The following CACHD1 variants were observed in gnomAD, a reference collection of about 807,000 sequenced individuals.
CACHD1 encodes cache domain containing 1.
In CACHD1, 71 loss-of-function variants were observed where a neutral mutation model predicts 138.7. That is an observed-to-expected ratio of 0.51 (90% CI 0.42 to 0.62). CACHD1 has a LOEUF of 0.62. Ranked by LOEUF, CACHD1 falls within the 20% of genes least tolerant of loss-of-function variation. The pLI, the probability that CACHD1 is intolerant of heterozygous loss-of-function variation, is 0.00. For missense variants in CACHD1, 1,389 were observed against 1,625.3 expected, an observed-to-expected ratio of 0.85 and a Z score of 2.50; for synonymous variants, 578 against 591.5, an observed-to-expected ratio of 0.98 and a Z score of 0.33.
intron 1 of CACHD1, among the ~76,000 whole-genome samples, chr1:64,521,065 C>T (rs542375748): frequency 6.6e-6 from 1 of 152,348 alleles, no homozygotes; most frequent in South Asian, 2.1e-4. Flanking sequence ...GGGCTAGGTT[C>T]TCTGCTCAGG....
rs567310511 is a variant in CACHD1, at chr1:64,684,794, CTTTTTTGTTTTTTG to C, written c.3586+2707_3586+2720del. On this transcript the variant is annotated intron_variant, in intron 26 of 26. Transcript: ENST00000651257. ...TGGTAAGTGCTCTATATAGGTGTACCTTTTTTGTTTTTTGTTTTTTGTTTTTTGTTTTGAGACAG... is the reference window on the plus strand; with the variant it reads ...TGGTAAGTGCTCTATATAGGTGTACCTTTTTTGTTTTTTGTTTTGAGACAG... 1.1e-4 allele frequency among the ~76,000 whole-genome samples: 16 copies of C among 152,074 alleles called. 1 individual carries two copies. The highest frequency in any genetic ancestry group is 3.4e-3 in the Middle Eastern group (1 of 294).
chr1:64,690,082 T>C (rs10889495), intron 26 of CACHD1, among the ~76,000 whole-genome samples: 23,250 of 152,204 alleles, frequency 0.15, 2,618 homozygotes, highest in East Asian at 0.61. Context: ...TGCTGATATT[T>C]GTTTCATTTC....
Position 64,647,953 on chromosome 1 carries a change from G to A in CACHD1, c.1309G>A (p.Gly437Ser), listed in dbSNP as rs1042789276. The A allele has an allele frequency of 3.1e-6, 5 of 1,613,880 alleles. No homozygotes were observed. The African/African-American group carries it at 5.3e-5, about 17-fold the overall frequency. ...NQLSNLETTV[G>S]RFYTNLPNRM... Reference sequence around the variant, plus strand: ...GTTGAGCAACCTGGAGACCACAGTGGGCAGGTTCTACACAAACCTTCCCAA... The same window carrying A: ...GTTGAGCAACCTGGAGACCACAGTGAGCAGGTTCTACACAAACCTTCCCAA... The change falls in exon 9 of 27, where the codon GGC becomes AGC. Residue 437 changes from glycine (G) to serine (S), a missense_variant. Physicochemically the swap from Gly to Ser is moderately conservative, Grantham distance 56. Around this residue, in one of 5 missense-constraint regions of CACHD1, gnomAD observed 1,000 missense variants for 1,114.7 expected, o/e 0.90. Transcript: ENST00000651257.
At chr1:64,602,641 C>G (rs1276050436) in intron 3 of CACHD1, among the ~76,000 whole-genome samples, 165 bp from the exon 4 acceptor site, 1 of 152,096 alleles carries the variant, frequency 6.6e-6, no homozygotes, top group Non-Finnish European at 1.5e-5. Flanking sequence ...GGTGTTCCCC[C>G]CACCACACAC....
At chr1:64,488,731 T>C (rs1484300980) in intron 1 of CACHD1, among the ~76,000 whole-genome samples, 6 of 152,258 alleles carry the variant, frequency 3.9e-5, no homozygotes, top group Non-Finnish European at 5.9e-5. Context: ...AATGTCTTTT[T>C]CCTCAAAGCA....
At chr1:64,524,773 A>G (rs1450592252) in intron 1 of CACHD1, among the ~76,000 whole-genome samples, 1 of 152,234 alleles carries the variant, frequency 6.6e-6, no homozygotes, top group Non-Finnish European at 1.5e-5. Flanking sequence ...CTCTGGAAGC[A>G]AAGACACATG....
rs1465414134 is a variant in CACHD1, at chr1:64,664,627, A to G, written c.2224A>G (p.Ile742Val). The change falls in exon 15 of 27, where the codon ATT becomes GTT. Residue 742 changes from isoleucine to valine, a missense_variant. This residue lies in a region of CACHD1 where 1,000 missense variants were observed against 1,114.7 expected (regional missense o/e 0.90). Coordinates refer to ENST00000651257, the MANE Select transcript of CACHD1 (RefSeq NM_020925.4). ...AGCAACACCCAATGGCGTCCTCAGA[A>G]TTTATCCTGGTTCCCTCATGGACAA... ...YIATPNGVLRIYPGSLMDKAF... is the reference protein window; with the variant it reads ...YIATPNGVLRVYPGSLMDKAF... 6.2e-7 allele frequency: 1 copy of G among 1,614,180 alleles called. No homozygotes were observed. The highest frequency in any genetic ancestry group is 8.5e-7 in the Non-Finnish European group (1 of 1,180,034).
Position 64,477,720 on chromosome 1 carries a change from T to C in CACHD1, c.198+6778T>C, listed in dbSNP as rs543377351. Among the ~76,000 whole-genome samples the C allele has an allele frequency of 7.3e-5, 11 of 151,380 alleles. No homozygotes were observed. The East Asian group carries it at 1.6e-3, about 21-fold the overall frequency. Reference sequence around the variant, plus strand: ...CACAATTTCGGCTCACTGCAAGCTCTGCTTCCCGGGTTCATGCCATTCTCC... The same window carrying C: ...CACAATTTCGGCTCACTGCAAGCTCCGCTTCCCGGGTTCATGCCATTCTCC... On this transcript the variant is annotated intron_variant, in intron 1 of 26. Transcript: ENST00000651257.
chr1:64,607,573 A>G (rs1647380314), intron 4 of CACHD1, among the ~76,000 whole-genome samples: 1 of 152,178 alleles, frequency 6.6e-6, no homozygotes, highest in Admixed American at 6.6e-5. Flanking sequence ...GAGAAATTAT[A>G]CTCAGTTTAT....
Position 64,632,701 on chromosome 1 carries a change from C to T in CACHD1, c.747C>T (p.Asp249=), listed in dbSNP as rs1366339193. Residue 249 remains aspartate (D), a synonymous_variant, in exon 6 of 27, where the codon GAC becomes GAT. Transcript: ENST00000651257. The part of the protein sequence containing the change: ...VTDTQLQIAK[D]AAQVILSAID... Reference sequence around the variant, plus strand: ...ACACTCAGCTTCAGATTGCCAAGGACGCTGCTCAGGTCATCCTCAGCGCCA... The same window carrying T: ...ACACTCAGCTTCAGATTGCCAAGGATGCTGCTCAGGTCATCCTCAGCGCCA... 5.6e-6 allele frequency: 9 copies of T among 1,614,048 alleles called. No homozygotes were observed. Among genetic ancestry groups the T allele is most frequent in the East Asian group, 2.2e-5 (1 of 44,890 alleles).
rs1421217420 is a variant in CACHD1, at chr1:64,658,824, C to T, written c.1902C>T (p.Leu634=). The part of the protein sequence containing the change: ...SSKLLYHRLD[L]LGQPSACLHF... ...AGCTGCTGTACCACCGGCTGGATCT[C>T]CTTGGCCAGCCCAGTGCTTGCCTCC... is the stretch of plus-strand genomic sequence containing the variant. Residue 634 remains leucine (L), a synonymous_variant, in exon 13 of 27, where the codon CTC becomes CTT. Coordinates refer to ENST00000651257, the MANE Select transcript of CACHD1 (RefSeq NM_020925.4). 9 of 1,589,966 alleles carry T rather than the reference C, an allele frequency of 5.7e-6. No homozygotes were observed. The highest frequency in any genetic ancestry group is 7.7e-6 in the Non-Finnish European group (9 of 1,165,472).
At chr1:64,598,769 A>G (rs139339152) in intron 3 of CACHD1, among the ~76,000 whole-genome samples, 3 of 152,084 alleles carry the variant, frequency 2.0e-5, no homozygotes, top group Admixed American at 1.3e-4. Flanking sequence ...GAATAAGATA[A>G]TTTGTTCATT....
intron 4 of CACHD1, among the ~76,000 whole-genome samples, chr1:64,619,382 T>C (rs899223018): frequency 1.3e-5 from 2 of 152,166 alleles, no homozygotes; most frequent in East Asian, 1.9e-4. Context: ...TACAAAATTG[T>C]GGGGGTTTGC....
At chr1:64,610,952 G>A (rs1275577800) in intron 4 of CACHD1, among the ~76,000 whole-genome samples, 4 of 152,152 alleles carry the variant, frequency 2.6e-5, no homozygotes, top group Non-Finnish European at 5.9e-5. Flanking sequence ...CTAGGCAGAG[G>A]CTCCCAAACC....
At chr1:64,564,314 T>C (rs1359203334) in intron 2 of CACHD1, among the ~76,000 whole-genome samples, 1 of 152,178 alleles carries the variant, frequency 6.6e-6, no homozygotes, top group Non-Finnish European at 1.5e-5. Context: ...CGACTTTTTA[T>C]CTGTATAACA....
chr1:64,577,027 G>T (rs538610250), intron 2 of CACHD1, among the ~76,000 whole-genome samples: 1 of 151,906 alleles, frequency 6.6e-6, no homozygotes, highest in East Asian at 1.9e-4. Flanking sequence ...CACTGCAGCC[G>T]CAACATCCTG....
chr1:64,670,135 A>C (rs1649767091), intron 16 of CACHD1, among the ~76,000 whole-genome samples: 1 of 152,196 alleles, frequency 6.6e-6, no homozygotes, highest in African/African-American at 2.4e-5. Flanking sequence ...AGTTGAAGAC[A>C]CTAAGTTTAA....
chr1:64,689,832 A>G lies in CACHD1; in HGVS notation c.3587-1491A>G, dbSNP rs372196212. Among the ~76,000 whole-genome samples, 14 of 152,240 alleles carry G rather than the reference A, an allele frequency of 9.2e-5. No homozygotes were observed. The East Asian group carries it at 1.5e-3, about 17-fold the overall frequency. On this transcript the variant is annotated intron_variant, in intron 26 of 26. Transcript: ENST00000651257. ...CCACTTAAGCCCAACTAAAATATAC[A>G]TTCTCTGAAGATTCCTTATTCCCCC...
At chr1:64,664,811 T>G in intron 15 of CACHD1, 132 bp downstream of exon 15, 1 of 783,018 alleles carries the variant, frequency 1.3e-6, no homozygotes, top group Non-Finnish European at 1.9e-6. Flanking sequence ...AAAATGTTCC[T>G]GAATAGTTTT....
Sources: allele counts gnomAD v4.1 joint callset (sites outside exome capture counted in the v4.1 genomes callset), GRCh38; gene constraint gnomAD v4.1.1; regional missense constraint gnomAD v4.1.1; transcripts MANE v1.5; gene names NCBI Gene and HGNC (gene_info 2026-07-23, HGNC 2026-07-21).